ZW10: variants seen among roughly 807,000 people sequenced by gnomAD.
The protein encoded by ZW10 is zw10 kinetochore protein.
In ZW10, 53 loss-of-function variants were observed where a neutral mutation model predicts 87.8. That is an observed-to-expected ratio of 0.60 (90% CI 0.48 to 0.76). The LOEUF (loss-of-function observed/expected upper bound fraction) is 0.76, where lower values mean the gene tolerates loss of function less well. Among genes scored for constraint, ZW10 ranks in the 30% least tolerant of loss-of-function variants. The pLI, the probability that ZW10 is intolerant of heterozygous loss-of-function variation, is 0.00. For synonymous variants in ZW10, 312 were observed against 329.2 expected (o/e 0.95, Z 0.57); for missense variants, 837 against 923.0 (o/e 0.91, Z 1.21).
At chr11:113,773,458 G>A (rs534032031) in intron 1 of ZW10, 104 bp downstream of exon 1, 144 of 924,176 alleles carry the variant, frequency 1.6e-4, no homozygotes, top group Non-Finnish European at 2.1e-5. Flanking sequence ...CCACTCTGCT[G>A]GTCCCCACTC....
In ZW10 at chr11:113,739,357, A is replaced by G; in HGVS notation, c.1609T>C (p.Leu537=). Residue 537 remains leucine, a synonymous_variant, in exon 12 of 16, where the codon TTG becomes CTG. Coordinates refer to ENST00000200135, the MANE Select transcript of ZW10 (RefSeq NM_004724.4). ...CAGTTGTTGTGATGAATAGCAGCCA[A>G]CTGGGGAAGTTTTTGAAGGTTCTCC... ...HKENLQKLPQ[L]AAIHHNNCMY... is the part of the protein sequence containing the mutation. 3 of 1,602,780 alleles carry G rather than the reference A, an allele frequency of 1.9e-6. No homozygotes were observed. Among genetic ancestry groups the G allele is most frequent in the Middle Eastern group, 1.7e-4 (1 of 6,026 alleles).
chr11:113,760,648 A>G (rs1430386702), intron 3 of ZW10, 58 bp from the exon 4 acceptor site: 27 of 1,433,756 alleles, frequency 1.9e-5, no homozygotes, highest in Non-Finnish European at 2.5e-5. Context: ...GTTTGCTTTT[A>G]AACATTAAGA....
At chr11:113,756,032 C>A (rs1591417995) in intron 7 of ZW10, among the ~76,000 whole-genome samples, 2 of 152,132 alleles carry the variant, frequency 1.3e-5, no homozygotes, top group African/African-American at 4.8e-5. Flanking sequence ...TATTGGGATA[C>A]TTACTTTATT....
In ZW10 at chr11:113,760,254, C is replaced by T. The variant is rs766891577; in HGVS notation, c.535G>A (p.Glu179Lys). 10 of 1,614,042 alleles carry T rather than the reference C, an allele frequency of 6.2e-6. No homozygotes were observed. The highest frequency in any genetic ancestry group is 8.5e-6 in the Non-Finnish European group (10 of 1,180,028). Reference protein sequence around the residue: ...QKQNILYHLGEEWQKLIVWKF... With the variant: ...QKQNILYHLGKEWQKLIVWKF... ...CATACAATCAGCTTCTGCCACTCTT[C>T]TCCAAGGTGATAAAGTATGTTCTGT... Residue 179 changes from glutamate to lysine, a missense_variant, in exon 5 of 16, where the codon GAA becomes AAA. Glu to Lys is a moderately conservative substitution (Grantham distance 56, BLOSUM62 1). Transcript: ENST00000200135.
chr11:113,762,071 T>C (rs1953865926), intron 2 of ZW10, among the ~76,000 whole-genome samples: 1 of 152,312 alleles, frequency 6.6e-6, no homozygotes, highest in Non-Finnish European at 1.5e-5. Context: ...GGGGACGCAT[T>C]CTAAGAAATG....
chr11:113,758,036 G>A (rs1473962836), intron 6 of ZW10, among the ~76,000 whole-genome samples, 183 bp from the exon 7 acceptor site: 2 of 152,086 alleles, frequency 1.3e-5, no homozygotes, highest in African/African-American at 2.4e-5. Flanking sequence ...GCTGGGCATG[G>A]TGGCAGGCAC....
At chr11:113,759,875 G>A (rs979752358) in intron 5 of ZW10, among the ~76,000 whole-genome samples, 15 of 152,226 alleles carry the variant, frequency 9.9e-5, no homozygotes, top group African/African-American at 3.1e-4. Context: ...GAACGGGCAC[G>A]TCCTACAAGG....
At chr11:113,766,300 G>C (rs554281283) in intron 2 of ZW10, among the ~76,000 whole-genome samples, 1 of 152,184 alleles carries the variant, frequency 6.6e-6, no homozygotes, top group African/African-American at 2.4e-5. Context: ...AGGAGGTTGA[G>C]GCTGCAGTGA....
At chr11:113,752,503 C>A (rs1469703556) in intron 7 of ZW10, among the ~76,000 whole-genome samples, 1 of 152,222 alleles carries the variant, frequency 6.6e-6, no homozygotes, top group Non-Finnish European at 1.5e-5. Flanking sequence ...TTAAGCAAGT[C>A]TATGAGCACC....
At chr11:113,735,303 CAGA>C (rs1315230971) in intron 15 of ZW10, among the ~76,000 whole-genome samples, 2 of 152,146 alleles carry the variant, frequency 1.3e-5, no homozygotes, top group African/African-American at 4.8e-5. Context: ...CCTTTAACAA[CAGA>C]AAGAAAAATT....
rs1462611774 is a variant in ZW10 at position 113,737,616 on chromosome 11, TGAGTA to T, written c.1967_1971del (p.Leu656Ter). 2 of 1,613,332 alleles carry T rather than the reference TGAGTA, an allele frequency of 1.2e-6. No homozygotes were observed. The highest frequency in any genetic ancestry group is 2.7e-5 in the African/African-American group (2 of 74,924). On this transcript the variant is annotated frameshift_variant, in exon 14 of 16. Transcript: ENST00000200135. LOFTEE classifies it high-confidence loss of function. ...CCAATGACCTCAGAAATTGCTGTATTGAGTAAAGTCCCCATAGCCTTGCAATATAT... is the reference window on the plus strand; with the variant it reads ...CCAATGACCTCAGAAATTGCTGTATTAAGTCCCCATAGCCTTGCAATATAT...
At chr11:113,743,085 G>A (rs1418851606) in intron 10 of ZW10, among the ~76,000 whole-genome samples, 1 of 152,210 alleles carries the variant, frequency 6.6e-6, no homozygotes, top group Non-Finnish European at 1.5e-5. Context: ...TAGGAGTAGG[G>A]AAGAAGCTTA....
intron 10 of ZW10, among the ~76,000 whole-genome samples, chr11:113,742,659 A>T (rs80077828): frequency 1.2e-3 from 186 of 152,292 alleles, no homozygotes; most frequent in Middle Eastern, 3.4e-3. Flanking sequence ...AAATTTAAGA[A>T]ATATTGCCCT....
In ZW10 at chr11:113,739,394, G is replaced by C. The variant is rs1273984595; in HGVS notation, c.1584-12C>G. 6.3e-7 allele frequency: 1 copy of C among 1,576,182 alleles called. No individual in the cohort carries two copies. The highest frequency in any genetic ancestry group is 1.2e-5 in the South Asian group (1 of 84,968). ...TTTGAAGGTTCTCCCTAGGCCAGAAGGAGGGGTAGAAAAACAAAGCAACCA... is the reference window on the plus strand; with the variant it reads ...TTTGAAGGTTCTCCCTAGGCCAGAACGAGGGGTAGAAAAACAAAGCAACCA... On this transcript the variant is annotated splice_polypyrimidine_tract_variant and intron_variant, in intron 11 of 15. Coordinates refer to ENST00000200135, the MANE Select transcript of ZW10 (RefSeq NM_004724.4).
At chr11:113,753,562 T>G (rs1272984280) in intron 7 of ZW10, among the ~76,000 whole-genome samples, 1 of 152,132 alleles carries the variant, frequency 6.6e-6, no homozygotes, top group East Asian at 1.9e-4. Context: ...GGTGCCACCA[T>G]GCCCAGCTAA....
At chr11:113,744,084 AAT>A (rs1416684026) in intron 9 of ZW10, 44 bp from the exon 10 acceptor site, 2 of 1,501,062 alleles carry the variant, frequency 1.3e-6, no homozygotes, top group African/African-American at 2.8e-5. Context: ...TTGTTTTCAG[AAT>A]AATTCAAATA....
intron 1 of ZW10, chr11:113,770,547 T>C (rs1159858571): frequency 6.6e-6 from 1 of 152,038 alleles, no homozygotes; most frequent in Non-Finnish European, 1.5e-5. Context: ...CCCGGCATTG[T>C]GGCTCACACC....
At position 113,760,537 on chromosome 11, in the gene ZW10, G is replaced by T. The variant is rs781038139; in HGVS notation, c.396C>A (p.Val132=). 6.2e-7 allele frequency: 1 copy of T among 1,613,818 alleles called. No homozygotes were observed. The highest frequency in any genetic ancestry group is 1.1e-5 in the South Asian group (1 of 90,986). ...YNCALTEKKY[V]TGAQRLEEAQ... ...CCTCTTCCAGACGCTGAGCACCAGT[G>T]ACATACTTCTTCTCTGTTAATGCAC... is the stretch of plus-strand genomic sequence containing the variant. The change falls in exon 4 of 16, where the codon GTC becomes GTA. Residue 132 remains valine (V), a synonymous_variant. Coordinates refer to ENST00000200135, the MANE Select transcript of ZW10 (RefSeq NM_004724.4).
intron 1 of ZW10, 34 bp downstream of exon 1, chr11:113,773,528 C>A (rs371496045): frequency 2.4e-4 from 375 of 1,587,720 alleles, no homozygotes; most frequent in Non-Finnish European, 3.1e-4. Flanking sequence ...CCCGGAGTCC[C>A]CTTCCAGTCA....
Sources: gnomAD v4.1 joint callset for allele counts (sites outside exome capture counted in the v4.1 genomes callset) on GRCh38, gnomAD v4.1.1 for gene constraint, MANE v1.5 for transcripts, NCBI Gene and HGNC (gene_info 2026-07-23, HGNC 2026-07-21) for gene names.